PDE6D: variants seen among roughly 807,000 people sequenced by gnomAD.
PDE6D encodes the protein retinal rod rhodopsin-sensitive cGMP 3',5'-cyclic phosphodiesterase subunit delta.
Under a neutral mutation model 21.9 loss-of-function variants are expected in PDE6D, and 10 were observed. The observed-to-expected ratio is 0.46, with a 90% CI of 0.28 to 0.78. The LOEUF (loss-of-function observed/expected upper bound fraction) is 0.78, where lower values mean the gene tolerates loss of function less well. Ranked by LOEUF, PDE6D falls within the 30% of genes least tolerant of loss-of-function variation. The probability of loss-of-function intolerance (pLI) is 0.12; values close to 1 mark genes in which losing one functional copy is unlikely to be tolerated. For synonymous variants in PDE6D, 59 were observed against 63.5 expected (o/e 0.93, Z 0.34); for missense variants, 139 against 184.8 (o/e 0.75, Z 1.44).
chr2:231,781,232 A>T lies in PDE6D; in HGVS notation c.-118T>A, dbSNP rs993391794. ...TTGGAGACCTCGGGCTAGCAGCCGC[A>T]GCGGCCAGACCAGGACCGGCCTCTC... is the stretch of plus-strand genomic sequence containing the variant. On this transcript the variant is annotated 5_prime_UTR_variant, in exon 1 of 5. Coordinates refer to ENST00000287600, the MANE Select transcript of PDE6D (RefSeq NM_002601.4). The T allele has an allele frequency of 1.7e-5, 16 of 941,708 alleles. No individual in the cohort carries two copies. Among genetic ancestry groups the T allele is most frequent in the Admixed American group, 1.2e-4 (6 of 49,778 alleles). The allele number at this position is 941,708 out of a possible 1,614,324, so 58.3% of individuals were successfully genotyped here.
chr2:231,777,509 G>A (rs766322212), intron 1 of PDE6D, among the ~76,000 whole-genome samples: 1 of 152,066 alleles, frequency 6.6e-6, no homozygotes, highest in Non-Finnish European at 1.5e-5. Flanking sequence ...ATATGGGCAA[G>A]CTTCCATGTG....
At chr2:231,774,969 G>C (rs2049043370) in intron 1 of PDE6D, among the ~76,000 whole-genome samples, 1 of 151,296 alleles carries the variant, frequency 6.6e-6, no homozygotes, top group South Asian at 2.1e-4. Flanking sequence ...CTGGAGTGCA[G>C]TGGTGTGATC....
intron 4 of PDE6D, among the ~76,000 whole-genome samples, chr2:231,734,823 G>T (rs1246579201): frequency 1.4e-5 from 2 of 147,578 alleles, no homozygotes; most frequent in African/African-American, 5.0e-5. Context: ...CTCCAGCCTG[G>T]GCGACAGAGC....
At chr2:231,740,759 C>CT (rs917607398) in intron 1 of PDE6D, among the ~76,000 whole-genome samples, 4 of 149,612 alleles carry the variant, frequency 2.7e-5, no homozygotes, top group Non-Finnish European at 4.4e-5. Flanking sequence ...GTTCTAGTGT[C>CT]TAACTAATAG....
chr2:231,770,907 C>T (rs1434070689), intron 1 of PDE6D, among the ~76,000 whole-genome samples: 1 of 150,332 alleles, frequency 6.7e-6, no homozygotes, highest in Admixed American at 6.6e-5. Context: ...GAGTTGAGAT[C>T]GCGCCATTGC....
At chr2:231,775,621 A>C (rs964598786) in intron 1 of PDE6D, among the ~76,000 whole-genome samples, 1 of 151,614 alleles carries the variant, frequency 6.6e-6, no homozygotes, top group Non-Finnish European at 1.5e-5. Context: ...CTGCACCCGG[A>C]AGATAGTCTA....
intron 1 of PDE6D, among the ~76,000 whole-genome samples, chr2:231,742,395 T>C (rs551098080): frequency 2.6e-5 from 4 of 152,328 alleles, no homozygotes; most frequent in Non-Finnish European, 5.9e-5. Context: ...AGTGCTGCGA[T>C]TACAGGTGTG....
chr2:231,753,907 C>T (rs188356993), intron 1 of PDE6D, among the ~76,000 whole-genome samples: 2 of 152,340 alleles, frequency 1.3e-5, no homozygotes, highest in East Asian at 3.9e-4. Flanking sequence ...GTTTTACACT[C>T]CTTCCTACAC....
Position 231,739,625 on chromosome 2 carries a change from G to C in PDE6D, c.51-437C>G, listed in dbSNP as rs1330308573. Among the ~76,000 whole-genome samples, 5 of 144,920 alleles carry C rather than the reference G, an allele frequency of 3.5e-5. No homozygotes were observed. Among genetic ancestry groups the C allele is most frequent in the Non-Finnish European group, 6.0e-5 (4 of 66,446 alleles). On this transcript the variant is annotated intron_variant, in intron 1 of 4. Coordinates refer to ENST00000287600, the MANE Select transcript of PDE6D (RefSeq NM_002601.4). The surrounding 1 kb of genome is among the most constrained non-coding windows in gnomAD (Gnocchi z 4.2). Reference sequence around the variant, plus strand: ...CACAGAACTCTCAAATTGCTTTGTAGTGGCCCCCTCTGTTTTTTTTTTTTG... The same window carrying C: ...CACAGAACTCTCAAATTGCTTTGTACTGGCCCCCTCTGTTTTTTTTTTTTG...
intron 1 of PDE6D, among the ~76,000 whole-genome samples, chr2:231,743,362 T>C (rs368236036): frequency 1.4e-5 from 2 of 145,292 alleles, no homozygotes; most frequent in South Asian, 4.3e-4. Context: ...AGGCGGAGGT[T>C]GCAGTGAGCA....
intron 1 of PDE6D, among the ~76,000 whole-genome samples, chr2:231,756,751 A>C (rs2048885788): frequency 6.6e-6 from 1 of 150,962 alleles, no homozygotes; most frequent in South Asian, 2.1e-4. Flanking sequence ...TAAACCAAAG[A>C]TTCAAAGAGA....
chr2:231,748,704 G>T (rs553609597), intron 1 of PDE6D, among the ~76,000 whole-genome samples: 3 of 152,324 alleles, frequency 2.0e-5, no homozygotes, highest in Admixed American at 2.0e-4. Flanking sequence ...GGAAAAAGTG[G>T]TTTCACGGGC....
intron 1 of PDE6D, among the ~76,000 whole-genome samples, chr2:231,746,044 T>C (rs2048791120): frequency 6.6e-6 from 1 of 152,248 alleles, no homozygotes; most frequent in Non-Finnish European, 1.5e-5. Flanking sequence ...CTGGGCTGCA[T>C]GTGGCCCAAC....
chr2:231,737,791 T>C (rs1416561940), intron 3 of PDE6D: 2 of 487,512 alleles, frequency 4.1e-6, no homozygotes, highest in African/African-American at 3.9e-5. Flanking sequence ...GGCACCACCA[T>C]CCACGCTCCC....
chr2:231,752,803 G>A (rs1312501620), intron 1 of PDE6D, among the ~76,000 whole-genome samples: 6 of 148,542 alleles, frequency 4.0e-5, no homozygotes, highest in South Asian at 4.2e-4. Flanking sequence ...GATATATACA[G>A]AGCAGAAATT....
At chr2:231,748,618 C>A (rs574537461) in intron 1 of PDE6D, among the ~76,000 whole-genome samples, 1 of 152,286 alleles carries the variant, frequency 6.6e-6, no homozygotes, top group South Asian at 2.1e-4. Flanking sequence ...TCCCCAAGAC[C>A]ATGGAGAATG....
At chr2:231,736,182 TA>T (rs945943672) in intron 4 of PDE6D, among the ~76,000 whole-genome samples, 1 of 151,854 alleles carries the variant, frequency 6.6e-6, no homozygotes, top group Non-Finnish European at 1.5e-5. Flanking sequence ...TTTAAAAAAA[TA>T]AAATAAACAA....
intron 1 of PDE6D, among the ~76,000 whole-genome samples, chr2:231,760,527 G>T (rs1033407996): frequency 5.9e-5 from 9 of 152,094 alleles, no homozygotes; most frequent in Non-Finnish European, 1.0e-4. Context: ...GGTCAAGTTG[G>T]TTTTTGACTG....
chr2:231,737,959 C>T, intron 3 of PDE6D, 54 bp downstream of exon 3: 1 of 1,560,802 alleles, frequency 6.4e-7, no homozygotes, highest in Non-Finnish European at 8.7e-7. Flanking sequence ...GTATTGTTGC[C>T]TTTTGTCCTG....
Sources: gnomAD v4.1 joint callset for allele counts (sites outside exome capture counted in the v4.1 genomes callset) on GRCh38, gnomAD v4.1.1 for gene constraint, Gnocchi (gnomAD v3.1) non-coding constraint, MANE v1.5 for transcripts, NCBI Gene and HGNC (gene_info 2026-07-23, HGNC 2026-07-21) for gene names.